NCALD: variants seen among roughly 807,000 people sequenced by gnomAD.
NCALD encodes neurocalcin delta.
A neutral mutation model predicts 18.6 loss-of-function variants in NCALD; 10 were observed. The observed-to-expected ratio is 0.54, with a 90% CI of 0.33 to 0.91. The LOEUF (loss-of-function observed/expected upper bound fraction) is 0.91. Among genes scored for constraint, NCALD ranks in the 40% least tolerant of loss-of-function variants. The pLI is 0.03. For missense variants in NCALD, 184 were observed against 247.6 expected (o/e 0.74, Z 1.72); for synonymous variants, 88 against 87.4 (o/e 1.01, Z -0.04).
intron 1 of NCALD, among the ~76,000 whole-genome samples, chr8:101,731,727 T>C (rs1244787826): frequency 6.6e-6 from 1 of 152,184 alleles, no homozygotes; most frequent in South Asian, 2.1e-4. Flanking sequence ...ATTCAACTCC[T>C]GATGGCATCT....
At chr8:101,732,755 C>T (rs1402813974) in intron 1 of NCALD, among the ~76,000 whole-genome samples, 3 of 151,644 alleles carry the variant, frequency 2.0e-5, no homozygotes, top group East Asian at 1.9e-4. Flanking sequence ...AGGCATACGC[C>T]GCCACACCCG....
chr8:101,964,465 T>G (rs1186451578), intron 2 of NCALD, among the ~76,000 whole-genome samples: 5 of 152,178 alleles, frequency 3.3e-5, no homozygotes, highest in African/African-American at 1.2e-4. Flanking sequence ...CCTTCCATCT[T>G]GTGGCTCCAC....
intron 1 of NCALD, chr8:101,789,164 G>C (rs913819474): frequency 6.6e-6 from 1 of 152,142 alleles, no homozygotes; most frequent in Non-Finnish European, 1.5e-5. Flanking sequence ...AGAAGTAAAT[G>C]TCAAAGTGTA....
intron 4 of NCALD, among the ~76,000 whole-genome samples, chr8:101,840,506 T>C (rs1310252515): frequency 6.6e-6 from 1 of 152,186 alleles, no homozygotes; most frequent in Non-Finnish European, 1.5e-5. Context: ...AGTAGGTGCA[T>C]GAAAACTTGG....
In NCALD at chr8:101,719,505, T is replaced by A. The variant is rs762990979; in HGVS notation, c.125A>T (p.His42Leu). 10 of 1,614,216 alleles carry A rather than the reference T, an allele frequency of 6.2e-6. No homozygotes were observed. Among genetic ancestry groups the A allele is most frequent in the Non-Finnish European group, 7.6e-6 (9 of 1,180,028 alleles). The change falls in exon 2 of 4, where the codon CAT becomes CTT. Residue 42 changes from histidine (H) to leucine (L), a missense_variant. Physicochemically the swap from His to Leu is moderately conservative, Grantham distance 99. Transcript: ENST00000220931. The stretch of plus-strand genomic sequence containing the variant: ...TTTCTTAAACTCTTCCATTGACAAA[T>A]GTCCACTGGGGCAGTCTCTCAAGAA... ...KGFLRDCPSG[H>L]LSMEEFKKIY...
intron 1 of NCALD, among the ~76,000 whole-genome samples, chr8:102,102,981 T>C (rs1825336158): frequency 6.6e-6 from 1 of 152,160 alleles, no homozygotes; most frequent in Admixed American, 6.5e-5. Flanking sequence ...CTCAAGACGC[T>C]GATTGATAAA....
chr8:102,053,551 A>T (rs1434221849), intron 1 of NCALD, among the ~76,000 whole-genome samples: 1 of 152,132 alleles, frequency 6.6e-6, no homozygotes, highest in Non-Finnish European at 1.5e-5. Flanking sequence ...TTCTCATTTT[A>T]CAGTGGAGCA....
chr8:102,011,566 G>A (rs989543651), intron 2 of NCALD, among the ~76,000 whole-genome samples: 2 of 152,176 alleles, frequency 1.3e-5, no homozygotes, highest in Admixed American at 1.3e-4. Context: ...TAAGGAACTA[G>A]AAAGGTCAGT....
At position 101,844,720 on chromosome 8, in the gene NCALD, T is replaced by C. The variant is rs116349149; in HGVS notation, c.-20+42421A>G. Among the ~76,000 whole-genome samples the C allele has an allele frequency of 6.5e-3, 990 of 152,164 alleles. 14 individuals are homozygous for C. Among genetic ancestry groups the C allele is most frequent in the African/African-American group, 0.023 (934 of 41,502 alleles). ...AATGTTCTTTCAGATGAGACCCCTA[T>C]AGAGAGAGGAAAAAGTGAAGCAAAT... On this transcript the variant is annotated intron_variant, in intron 4 of 6. Transcript: ENST00000311028.
intron 1 of NCALD, among the ~76,000 whole-genome samples, chr8:101,729,181 T>A (rs1272414529): frequency 6.6e-6 from 1 of 152,236 alleles, no homozygotes. Context: ...TCAGAATTTT[T>A]CTTCAATGGA....
At chr8:101,720,578 C>T (rs80318570) in intron 1 of NCALD, among the ~76,000 whole-genome samples, 2 of 152,038 alleles carry the variant, frequency 1.3e-5, no homozygotes, top group Non-Finnish European at 2.9e-5. Flanking sequence ...CTTTTTGTTA[C>T]CTATTTTTAA....
intron 2 of NCALD, among the ~76,000 whole-genome samples, chr8:101,938,901 A>G (rs562960921): frequency 1.3e-5 from 2 of 152,354 alleles, no homozygotes; most frequent in South Asian, 4.1e-4. Flanking sequence ...AAATCAAACA[A>G]TTAACTTTTG....
intron 1 of NCALD, among the ~76,000 whole-genome samples, chr8:101,729,905 A>G (rs1816739791): frequency 6.6e-6 from 1 of 152,218 alleles, no homozygotes; most frequent in African/African-American, 2.4e-5. Flanking sequence ...AACCTCGTCT[A>G]ACAGCAACAC....
intron 2 of NCALD, among the ~76,000 whole-genome samples, chr8:101,711,957 G>A (rs1259171624): frequency 6.6e-6 from 1 of 151,990 alleles, no homozygotes; most frequent in Non-Finnish European, 1.5e-5. Flanking sequence ...GCAACCCCAA[G>A]GCACATAATC....
At chr8:101,999,873 T>C (rs190597060) in intron 2 of NCALD, among the ~76,000 whole-genome samples, 2 of 152,250 alleles carry the variant, frequency 1.3e-5, no homozygotes, top group East Asian at 1.9e-4. Context: ...AGGGTAATCA[T>C]CTCTCCTTTC....
intron 2 of NCALD, among the ~76,000 whole-genome samples, chr8:102,001,863 G>A (rs1322369087): frequency 6.6e-6 from 1 of 152,152 alleles, no homozygotes; most frequent in African/African-American, 2.4e-5. Context: ...ACCTAAAAGA[G>A]CTCCTGAGGG....
chr8:101,702,642 CT>C, intron 2 of NCALD, among the ~76,000 whole-genome samples: 1 of 152,332 alleles, frequency 6.6e-6, no homozygotes, highest in South Asian at 2.1e-4. Flanking sequence ...CCTTTTATAA[CT>C]TGAAGACTTA....
intron 1 of NCALD, among the ~76,000 whole-genome samples, chr8:102,106,445 G>GTATATATA (rs369201039): frequency 0.011 from 1,409 of 132,528 alleles, 17 homozygotes; most frequent in African/African-American, 0.028. Context: ...TTAGCATATA[G>GTATATATA]TATATATATA....
intron 2 of NCALD, among the ~76,000 whole-genome samples, chr8:101,709,894 G>C (rs1815705368): frequency 6.6e-6 from 1 of 152,234 alleles, no homozygotes; most frequent in South Asian, 2.1e-4. Flanking sequence ...AGATTCCTGA[G>C]AGATGATTTT....
Sources: gnomAD v4.1 joint callset for allele counts (sites outside exome capture counted in the v4.1 genomes callset) on GRCh38, gnomAD v4.1.1 for gene constraint, MANE v1.5 for transcripts, NCBI Gene and HGNC (gene_info 2026-07-23, HGNC 2026-07-21) for gene names.